The following LIPI variants were observed in gnomAD, a reference collection of about 807,000 sequenced individuals.
LIPI encodes lipase I.
LIPI carries 59 observed loss-of-function variants against 50.6 expected under a neutral mutation model. That is an observed-to-expected ratio of 1.16 (90% CI 0.94 to 1.45). The LOEUF (loss-of-function observed/expected upper bound fraction) is 1.45, where lower values mean the gene tolerates loss of function less well. LIPI is among the 40% of genes most tolerant of loss of function. The probability of loss-of-function intolerance (pLI) is 0.00; values close to 1 mark genes in which losing one functional copy is unlikely to be tolerated. For missense variants in LIPI, 586 were observed against 536.3 expected (o/e 1.09, Z -0.92); for synonymous variants, 203 against 178.2 (o/e 1.14, Z -1.11).
intron 2 of LIPI, among the ~76,000 whole-genome samples, chr21:14,186,872 C>A: frequency 6.6e-6 from 1 of 152,148 alleles, no homozygotes; most frequent in East Asian, 1.9e-4. Flanking sequence ...CTGCTGATGC[C>A]TTCTCCTTGG....
intron 4 of LIPI, among the ~76,000 whole-genome samples, chr21:14,169,703 C>T (rs942201921): frequency 4.6e-5 from 7 of 152,146 alleles, no homozygotes; most frequent in African/African-American, 1.7e-4. Flanking sequence ...CCCTGGGACA[C>T]ATTCAAAGCA....
chr21:14,108,847 CT>C lies in LIPI; in HGVS notation c.*145del. The C allele has an allele frequency of 3.2e-6, 3 of 924,262 alleles. No homozygotes were observed. Among genetic ancestry groups the C allele is most frequent in the Non-Finnish European group, 4.9e-6 (3 of 611,084 alleles). 57.3% of individuals were successfully genotyped at this position (924,262 alleles called of 1,614,324 possible). On this transcript the variant is annotated 3_prime_UTR_variant, in exon 10 of 10. Transcript: ENST00000681601. ...TTTAACTGTATGCATTTTTTATTTT[CT>C]TTATTTTTGATTCTTAAAATTTTTT...
At chr21:14,174,196 G>A (rs2019014871) in intron 4 of LIPI, among the ~76,000 whole-genome samples, 1 of 152,182 alleles carries the variant, frequency 6.6e-6, no homozygotes, top group African/African-American at 2.4e-5. Context: ...TAACTTTGAA[G>A]CAGCCCTTGA....
At chr21:14,140,849 A>T (rs1306544578) in intron 9 of LIPI, among the ~76,000 whole-genome samples, 2 of 152,030 alleles carry the variant, frequency 1.3e-5, no homozygotes, top group Admixed American at 6.6e-5. Flanking sequence ...TTCATTATTC[A>T]GTCTGTTTGG....
At position 14,189,378 on chromosome 21, in the gene LIPI, T is replaced by C; in HGVS notation, c.88A>G (p.Lys30Glu). ...PCLEFSQLSV[K>E]DSFRDLFIPR... ...ATAAATAAATCTCTGAAGGAATCCT[T>C]TACACTTAGCTGAGAGAATTCAAGG... The change falls in exon 2 of 10, where the codon AAG becomes GAG. Residue 30 changes from lysine to glutamate, a missense_variant. Physicochemically the swap from Lys to Glu is moderately conservative, Grantham distance 56. Transcript: ENST00000681601. The C allele has an allele frequency of 6.2e-7, 1 of 1,612,854 alleles. No homozygotes were observed. Among genetic ancestry groups the C allele is most frequent in the African/African-American group, 1.3e-5 (1 of 74,994 alleles).
At chr21:14,109,711 A>G (rs564484591) in intron 9 of LIPI, among the ~76,000 whole-genome samples, 1 of 152,198 alleles carries the variant, frequency 6.6e-6, no homozygotes, top group South Asian at 2.1e-4. Context: ...ATTAGTGCAT[A>G]TATAGTAAAT....
At chr21:14,139,320 C>T (rs112699688) in intron 9 of LIPI, among the ~76,000 whole-genome samples, 7,582 of 152,192 alleles carry the variant, frequency 0.05, 275 homozygotes, top group Non-Finnish European at 0.081. Flanking sequence ...TTCAGTATAA[C>T]TTCAACAATA....
At chr21:14,126,923 G>A (rs937993521) in intron 9 of LIPI, among the ~76,000 whole-genome samples, 3 of 152,120 alleles carry the variant, frequency 2.0e-5, no homozygotes, top group African/African-American at 7.2e-5. Flanking sequence ...TGATTGGGGT[G>A]GTGATTATAT....
chr21:14,206,013 T>C (rs2020216515), intron 1 of LIPI, among the ~76,000 whole-genome samples: 1 of 151,952 alleles, frequency 6.6e-6, no homozygotes. Flanking sequence ...ATACTGAAAA[T>C]CTTATTAGGT....
intron 2 of LIPI, among the ~76,000 whole-genome samples, chr21:14,188,213 A>G (rs2019522105): frequency 6.6e-6 from 1 of 152,218 alleles, no homozygotes; most frequent in South Asian, 2.1e-4. Flanking sequence ...ACTGAATTTT[A>G]TTTGATCCAT....
At chr21:14,203,055 T>C (rs188406884) in intron 1 of LIPI, among the ~76,000 whole-genome samples, 21,025 of 152,016 alleles carry the variant, frequency 0.14, 1,901 homozygotes, top group South Asian at 0.21. Flanking sequence ...AAAGAAGACA[T>C]TTATGCAGCC....
chr21:14,207,059 G>C, intron 1 of LIPI: 1 of 678,728 alleles, frequency 1.5e-6, no homozygotes, highest in African/African-American at 1.8e-5. Context: ...TGGCTTCTAT[G>C]GCCACAGAGC....
At chr21:14,198,657 C>T (rs1393865697) in intron 1 of LIPI, among the ~76,000 whole-genome samples, 1 of 152,070 alleles carries the variant, frequency 6.6e-6, no homozygotes, top group Non-Finnish European at 1.5e-5. Context: ...CTCAGAATCC[C>T]ACACAATAAT....
intron 7 of LIPI, among the ~76,000 whole-genome samples, chr21:14,160,826 CAA>C (rs2018435348): frequency 6.6e-6 from 1 of 150,808 alleles, no homozygotes; most frequent in Non-Finnish European, 1.5e-5. Context: ...GAAAAATATC[CAA>C]AAGACACGAA....
rs1752896389 is a variant in LIPI, at chr21:14,181,866, A to T, written c.542-7T>A. On this transcript the variant is annotated splice_region_variant and splice_polypyrimidine_tract_variant and intron_variant, in intron 3 of 9. Coordinates refer to ENST00000681601, the MANE Select transcript of LIPI (RefSeq NM_001302998.2). ...GGCCCAGCAGGGTCAAGACCTGGAAAGCAAGAAAGAAATAATCAGTCTCAT... is the reference window on the plus strand; with the variant it reads ...GGCCCAGCAGGGTCAAGACCTGGAATGCAAGAAAGAAATAATCAGTCTCAT... 1 of 1,532,998 alleles carries T rather than the reference A, an allele frequency of 6.5e-7. No homozygotes were observed. Among genetic ancestry groups the T allele is most frequent in the African/African-American group, 1.4e-5 (1 of 73,288 alleles). 95.0% of individuals were successfully genotyped at this position (1,532,998 alleles called of 1,614,324 possible). A position where few individuals can be genotyped will look rare whatever the true frequency, so the allele number is the denominator to read the frequency against.
intron 1 of LIPI, among the ~76,000 whole-genome samples, chr21:14,197,195 T>G (rs2019892361): frequency 6.6e-6 from 1 of 151,630 alleles, no homozygotes; most frequent in Non-Finnish European, 1.5e-5. Flanking sequence ...TATAATTTAT[T>G]AAAATAACAG....
At position 14,165,297 on chromosome 21, in the gene LIPI, C is replaced by A. The variant is rs146076683; in HGVS notation, c.827G>T (p.Arg276Leu). ...GCTAGTCTTGTAATCTTTGTATGAA[C>A]GACAAGGAAATGAAATAAAATTGCA... ...TNCNFISFPCRSYKDYKTSLC... is the reference protein window; with the variant it reads ...TNCNFISFPCLSYKDYKTSLC... Residue 276 changes from arginine to leucine, a missense_variant, in exon 6 of 10, where the codon CGT becomes CTT. Physicochemically the swap from Arg to Leu is moderately radical, Grantham distance 102. Coordinates refer to ENST00000681601, the MANE Select transcript of LIPI (RefSeq NM_001302998.2). The A allele has an allele frequency of 5.8e-5, 94 of 1,611,788 alleles. No homozygotes were observed. The highest frequency in any genetic ancestry group is 2.2e-5 in the South Asian group (2 of 91,028).
chr21:14,169,891 C>CA (rs1385859227), intron 4 of LIPI, among the ~76,000 whole-genome samples: 3 of 151,808 alleles, frequency 2.0e-5, no homozygotes, highest in African/African-American at 2.4e-5. Context: ...AATAGAGACA[C>CA]AAAAAACCCT....
intron 4 of LIPI, 32 bp downstream of exon 4, chr21:14,181,726 A>G (rs1406468106): frequency 7.4e-7 from 1 of 1,347,380 alleles, no homozygotes. Context: ...TTTCATTTTC[A>G]AATAATTAGG....
Sources: allele counts gnomAD v4.1 joint callset (sites outside exome capture counted in the v4.1 genomes callset), GRCh38; gene constraint gnomAD v4.1.1; transcripts MANE v1.5; gene names NCBI Gene and HGNC (gene_info 2026-07-23, HGNC 2026-07-21).